The following SLC31A2 variants were observed in gnomAD, a reference collection of about 807,000 sequenced individuals.
SLC31A2 encodes the protein protein SLC31A2.
A neutral mutation model predicts 14.4 loss-of-function variants in SLC31A2; 16 were observed. The ratio of observed to expected loss-of-function variants is 1.11; its 90% confidence interval spans 0.75 to 1.69. The LOEUF is 1.69. Ranked by LOEUF, SLC31A2 falls within the 40% of genes most tolerant of loss-of-function variation. The pLI, the probability that SLC31A2 is intolerant of heterozygous loss-of-function variation, is 0.00. For synonymous variants in SLC31A2, 56 were observed against 68.7 expected (o/e 0.82, Z 0.91); for missense variants, 140 against 173.9 (o/e 0.81, Z 1.10).
chr9:113,158,122 AGAT>A (rs1178232139), intron 2 of SLC31A2: 1 of 490,700 alleles, frequency 2.0e-6, no homozygotes, highest in Non-Finnish European at 4.1e-6. Context: ...AGCCACTACT[AGAT>A]CAAGGCCTCC....
intron 3 of SLC31A2, 88 bp downstream of exon 3, chr9:113,161,786 C>T (rs1830018031): frequency 1.4e-6 from 2 of 1,422,532 alleles, no homozygotes; most frequent in Non-Finnish European, 9.8e-7. Context: ...CCCCACTTCA[C>T]AGAGAGGACA....
At position 113,161,714 on chromosome 9, in the gene SLC31A2, A is replaced by G; in HGVS notation, c.263+16A>G. 2 of 1,612,204 alleles carry G rather than the reference A, an allele frequency of 1.2e-6. No homozygotes were observed. Among genetic ancestry groups the G allele is most frequent in the Non-Finnish European group, 1.7e-6 (2 of 1,178,522 alleles). On this transcript the variant is annotated intron_variant, in intron 3 of 3. Transcript: ENST00000259392. ...CCCACCACAGGTACAGGCAGTGGGT[A>G]TGGGAAAGGGGCAGAAGCCTCACAT...
At chr9:113,154,241 G>C in intron 1 of SLC31A2, among the ~76,000 whole-genome samples, 1 of 152,160 alleles carries the variant, frequency 6.6e-6, no homozygotes, top group Non-Finnish European at 1.5e-5. Context: ...TTCAAGATGG[G>C]AGCCTGTGAA....
chr9:113,156,311 T>C (rs920948377), intron 1 of SLC31A2: 4 of 390,128 alleles, frequency 1.0e-5, no homozygotes, highest in African/African-American at 8.3e-5. Flanking sequence ...CTCATTTTCC[T>C]CACCTGGAAA....
At chr9:113,162,227 G>T in intron 3 of SLC31A2, 1 of 267,376 alleles carries the variant, frequency 3.7e-6, no homozygotes, top group Non-Finnish European at 7.3e-6. Context: ...ACCCTACATG[G>T]GTGTCTCAGA....
chr9:113,160,798 T>C (rs1303875224), intron 2 of SLC31A2, among the ~76,000 whole-genome samples: 1 of 152,186 alleles, frequency 6.6e-6, no homozygotes, highest in East Asian at 1.9e-4. Flanking sequence ...GTCATCTCAT[T>C]AGCATATAAA....
chr9:113,160,826 C>T (rs7863351), intron 2 of SLC31A2, among the ~76,000 whole-genome samples: 45,324 of 152,048 alleles, frequency 0.3, 6,975 homozygotes, highest in Non-Finnish European at 0.33. Context: ...CACTTGACAG[C>T]GTTTCCAAGG....
At chr9:113,155,672 C>T (rs528718172) in intron 1 of SLC31A2, among the ~76,000 whole-genome samples, 73 of 152,314 alleles carry the variant, frequency 4.8e-4, no homozygotes, top group Non-Finnish European at 9.3e-4. Context: ...CAGTCTCTCT[C>T]AAACTCCCTT....
chr9:113,157,762 G>C lies in SLC31A2; in HGVS notation c.42G>C (p.Leu14=), dbSNP rs1829952512. 4 of 1,613,228 alleles carry C rather than the reference G, an allele frequency of 2.5e-6. No individual in the cohort carries two copies. The highest frequency in any genetic ancestry group is 1.3e-5 in the African/African-American group (1 of 75,028). The change falls in exon 2 of 4, where the codon CTG becomes CTC. Residue 14 remains leucine, a synonymous_variant. Coordinates refer to ENST00000259392, the MANE Select transcript of SLC31A2 (RefSeq NM_001860.3). The part of the protein sequence containing the change: ...HFIFSDTAVL[L]FDFWSVHSPA... ...TCTTCTCAGATACAGCGGTGCTTCT[G>C]TTTGATTTCTGGAGTGTCCACAGTC...
chr9:113,158,180 A>G, intron 2 of SLC31A2: 1 of 457,224 alleles, frequency 2.2e-6, no homozygotes, highest in Non-Finnish European at 4.5e-6. Flanking sequence ...ATTGTTCTGC[A>G]CCAGTTCAGA....
intron 1 of SLC31A2, among the ~76,000 whole-genome samples, chr9:113,155,820 A>G (rs894947533): frequency 1.2e-4 from 18 of 152,264 alleles, no homozygotes; most frequent in African/African-American, 4.3e-4. Flanking sequence ...ACTGTGTGTC[A>G]CTTTGTGTGG....
intron 2 of SLC31A2, among the ~76,000 whole-genome samples, chr9:113,160,776 C>G (rs1189371902): frequency 6.6e-6 from 1 of 152,124 alleles, no homozygotes; most frequent in Non-Finnish European, 1.5e-5. Flanking sequence ...CATCCAGGAG[C>G]CTCAGCCATC....
In SLC31A2 at chr9:113,163,136, T is replaced by C. The variant is rs1006657299; in HGVS notation, c.*219T>C. ...CCTACGTAGGGCCCAGGCATGGTCT[T>C]GTGTCTTAAGACAGCTGCTGTGACC... On this transcript the variant is annotated 3_prime_UTR_variant, in exon 4 of 4. Coordinates refer to ENST00000259392, the MANE Select transcript of SLC31A2 (RefSeq NM_001860.3). 14 of 445,718 alleles carry C rather than the reference T, an allele frequency of 3.1e-5. No individual in the cohort carries two copies. The highest frequency in any genetic ancestry group is 2.6e-4 in the African/African-American group (13 of 49,440). 27.6% of individuals were successfully genotyped at this position (445,718 alleles called of 1,614,324 possible). A position where few individuals can be genotyped will look rare whatever the true frequency, so the allele number is the denominator to read the frequency against.
At chr9:113,158,943 G>A (rs1475188199) in intron 2 of SLC31A2, among the ~76,000 whole-genome samples, 3 of 152,138 alleles carry the variant, frequency 2.0e-5, no homozygotes, top group Non-Finnish European at 2.9e-5. Flanking sequence ...TCACAGATAC[G>A]ATGAAGCCAC....
intron 1 of SLC31A2, among the ~76,000 whole-genome samples, chr9:113,152,832 C>T (rs1296615305): frequency 6.6e-6 from 1 of 152,222 alleles, no homozygotes; most frequent in Non-Finnish European, 1.5e-5. Context: ...TTTTGGGCTC[C>T]TAAGATAACT....
chr9:113,159,573 T>C (rs1829979789), intron 2 of SLC31A2, among the ~76,000 whole-genome samples: 4 of 152,184 alleles, frequency 2.6e-5, no homozygotes, highest in Admixed American at 2.6e-4. Flanking sequence ...CCCAACTTTT[T>C]CCTTTTCCTA....
At position 113,162,742 on chromosome 9, in the gene SLC31A2, T is replaced by C; in HGVS notation, c.264-7T>C. ...CCAGGATTAACTTGCTTCTCCTTTT[T>C]ATCTAGGTGGTATTTGTGTCACTTT... On this transcript the variant is annotated splice_region_variant and splice_polypyrimidine_tract_variant and intron_variant, in intron 3 of 3. Transcript: ENST00000259392. The C allele has an allele frequency of 6.2e-7, 1 of 1,607,774 alleles. No homozygotes were observed. Among genetic ancestry groups the C allele is most frequent in the Non-Finnish European group, 8.5e-7 (1 of 1,176,626 alleles).
At position 113,164,135 on chromosome 9, in the gene SLC31A2, A is replaced by G. The variant is rs1830062602; in HGVS notation, c.*1218A>G. Reference sequence around the variant, plus strand: ...CATTTTAGTAAATATATATTTTTAAATAGTCTATGACTGTTCTGTTCTCCT... The same window carrying G: ...CATTTTAGTAAATATATATTTTTAAGTAGTCTATGACTGTTCTGTTCTCCT... On this transcript the variant is annotated 3_prime_UTR_variant, in exon 4 of 4. Coordinates refer to ENST00000259392, the MANE Select transcript of SLC31A2 (RefSeq NM_001860.3). 6.5e-6 allele frequency: 1 copy of G among 152,678 alleles called. No homozygotes were observed. The highest frequency in any genetic ancestry group is 1.5e-5 in the Non-Finnish European group (1 of 68,054). The allele number at this position is 152,678 out of a possible 1,614,324, so 9.5% of individuals were successfully genotyped here. A position where few individuals can be genotyped will look rare whatever the true frequency, so the allele number is the denominator to read the frequency against.
rs1830053970 is a variant in SLC31A2, at chr9:113,163,731, GT to G, written c.*815del. ...GCAGGAAGAAGATGATCTGATGGCC[GT>G]GGGTGTCTGGGAAGCTCTTCGTGGC... is the stretch of plus-strand genomic sequence containing the variant. On this transcript the variant is annotated 3_prime_UTR_variant, in exon 4 of 4. Coordinates refer to ENST00000259392, the MANE Select transcript of SLC31A2 (RefSeq NM_001860.3). 6.6e-6 allele frequency: 1 copy of G among 152,442 alleles called. No individual in the cohort carries two copies. The highest frequency in any genetic ancestry group is 2.4e-5 in the African/African-American group (1 of 41,442). The allele number at this position is 152,442 out of a possible 1,614,324, so 9.4% of individuals were successfully genotyped here.
Sources: allele counts gnomAD v4.1 joint callset (sites outside exome capture counted in the v4.1 genomes callset), GRCh38; gene constraint gnomAD v4.1.1; transcripts MANE v1.5; gene names NCBI Gene and HGNC (gene_info 2026-07-23, HGNC 2026-07-21).